The following MPPED1 variants were observed in gnomAD, a reference collection of about 807,000 sequenced individuals.
MPPED1 encodes the protein metallophosphoesterase domain-containing protein 1.
MPPED1 carries 16 observed loss-of-function variants against 36.2 expected under a neutral mutation model. The ratio of observed to expected loss-of-function variants is 0.44; its 90% CI spans 0.30 to 0.67. The LOEUF (loss-of-function observed/expected upper bound fraction) is 0.67. Among genes scored for constraint, MPPED1 ranks in the 30% least tolerant of loss-of-function variants. MPPED1 has a pLI of 0.10. For synonymous variants in MPPED1, 199 were observed against 191.3 expected, an observed-to-expected ratio of 1.04 and a Z score of -0.33; for missense variants, 307 against 453.4, an observed-to-expected ratio of 0.68 and a Z score of 2.93.
At chr22:43,488,143 C>T (rs1931970179) in intron 4 of MPPED1, among the ~76,000 whole-genome samples, 1 of 152,060 alleles carries the variant, frequency 6.6e-6, no homozygotes, top group Non-Finnish European at 1.5e-5. Context: ...GTGGGCACTG[C>T]ATCTGTGTGG....
chr22:43,494,001 G>T (rs562169883), intron 4 of MPPED1, among the ~76,000 whole-genome samples: 9 of 152,078 alleles, frequency 5.9e-5, no homozygotes, highest in African/African-American at 1.9e-4. Context: ...CTTTTGGGGG[G>T]CTCTGAGGGA....
intron 2 of MPPED1, among the ~76,000 whole-genome samples, chr22:43,426,310 C>T (rs909740862): frequency 2.0e-5 from 3 of 152,042 alleles, no homozygotes; most frequent in Admixed American, 1.3e-4. Context: ...TACCTTCACC[C>T]GGCCACTCTG....
chr22:43,432,877 G>GAAAGGGA (rs1569067568), intron 2 of MPPED1, among the ~76,000 whole-genome samples: 1 of 10,920 alleles, frequency 9.2e-5, no homozygotes, highest in Non-Finnish European at 3.5e-4. Flanking sequence ...GAGAGAGAGA[G>GAAAGGGA]GGAAAGAGAA....
At chr22:43,415,709 G>A (rs1179582425) in intron 1 of MPPED1, among the ~76,000 whole-genome samples, 1 of 152,136 alleles carries the variant, frequency 6.6e-6, no homozygotes, top group Non-Finnish European at 1.5e-5. Context: ...CTCCCTTCTG[G>A]TTGACTCTGC....
In MPPED1 at chr22:43,506,271, C is replaced by T. The variant is rs117657981; in HGVS notation, c.*655C>T. The T allele has an allele frequency of 7.8e-4, 119 of 152,724 alleles. No homozygotes were observed. Among genetic ancestry groups the T allele is most frequent in the Non-Finnish European group, 1.4e-3 (94 of 68,068 alleles). The allele number at this position is 152,724 out of a possible 1,614,324, so 9.5% of individuals were successfully genotyped here. A position where few individuals can be genotyped will look rare whatever the true frequency, so the allele number is the denominator to read the frequency against. ...GACCTGAGTGTCCTAGGCATTCACT[C>T]GGAGCCTGGATGATGGGGGCTGGTT... On this transcript the variant is annotated 3_prime_UTR_variant, in exon 7 of 7. Transcript: ENST00000443721.
At chr22:43,500,309 G>A (rs1932668633) in intron 5 of MPPED1, among the ~76,000 whole-genome samples, 3 of 140,002 alleles carry the variant, frequency 2.1e-5, no homozygotes, top group Non-Finnish European at 3.1e-5. Context: ...TGGTGATGGT[G>A]ATGGAGGTGG....
At position 43,447,798 on chromosome 22, in the gene MPPED1, CTT is replaced by C. The variant is rs1491360109; in HGVS notation, c.406+12584_406+12585del. On this transcript the variant is annotated intron_variant, in intron 3 of 6. Coordinates refer to ENST00000443721, the MANE Select transcript of MPPED1 (RefSeq NM_001044370.2). Reference sequence around the variant, plus strand: ...CTCCCGAGGACTCTTGGGGAGCACACTTATATATATATATATTTATATTTTTA... The same window carrying C: ...CTCCCGAGGACTCTTGGGGAGCACACATATATATATATATTTATATTTTTA... Among the ~76,000 whole-genome samples, 8 of 138,054 alleles carry C rather than the reference CTT, an allele frequency of 5.8e-5. No homozygotes were observed. The South Asian group carries it at 8.9e-4, about 15-fold the overall frequency. 90.6% of individuals were successfully genotyped at this position (138,054 alleles called of 152,430 possible).
chr22:43,463,448 C>CA (rs1348848624), intron 3 of MPPED1, among the ~76,000 whole-genome samples: 2 of 151,792 alleles, frequency 1.3e-5, no homozygotes, highest in Non-Finnish European at 2.9e-5. Context: ...CCTCCCACCT[C>CA]AGCCTCCCAA....
chr22:43,439,311 C>T lies in MPPED1; in HGVS notation c.406+4096C>T, dbSNP rs142590129. ...TGTATTCATGAAATAGAAGTGGCAG[C>T]TTGATTTGTAAATGTCGAGTAAGCA... On this transcript the variant is annotated intron_variant, in intron 3 of 6. Coordinates refer to ENST00000443721, the MANE Select transcript of MPPED1 (RefSeq NM_001044370.2). 8.5e-4 allele frequency among the ~76,000 whole-genome samples: 130 copies of T among 152,356 alleles called. 1 individual carries two copies. In the Middle Eastern group the frequency reaches 0.02, roughly 24 times the overall value.
chr22:43,483,533 G>C (rs1014730664), intron 4 of MPPED1, among the ~76,000 whole-genome samples: 1 of 152,276 alleles, frequency 6.6e-6, no homozygotes, highest in Non-Finnish European at 1.5e-5. Context: ...GTGAGACACA[G>C]GCGGGCCCGG....
At chr22:43,450,616 A>G (rs8135418) in intron 3 of MPPED1, among the ~76,000 whole-genome samples, 40,443 of 152,152 alleles carry the variant, frequency 0.27, 6,802 homozygotes, top group East Asian at 0.64. Flanking sequence ...AGGGCCTGGC[A>G]TGGGGTAAAT....
At chr22:43,444,946 GT>G (rs1930285617) in intron 3 of MPPED1, among the ~76,000 whole-genome samples, 1 of 152,086 alleles carries the variant, frequency 6.6e-6, no homozygotes, top group Admixed American at 6.5e-5. Flanking sequence ...AAAAGCCAGG[GT>G]TGAAAAAAAA....
At chr22:43,435,668 C>G (rs1361675789) in intron 3 of MPPED1, among the ~76,000 whole-genome samples, 1 of 152,074 alleles carries the variant, frequency 6.6e-6, no homozygotes, top group Non-Finnish European at 1.5e-5. Flanking sequence ...ACCAGCCTGG[C>G]CAACATGGTG....
chr22:43,497,945 A>ATATATATATATATATATATG (rs1569090532), intron 4 of MPPED1, among the ~76,000 whole-genome samples: 1 of 97,052 alleles, frequency 1.0e-5, no homozygotes, highest in African/African-American at 6.9e-5. Context: ...GTATATATAT[A>ATATATATATATATATATATG]TATGTATTTA....
At chr22:43,500,223 G>GTGA (rs1185138499) in intron 5 of MPPED1, among the ~76,000 whole-genome samples, 1 of 97,532 alleles carries the variant, frequency 1.0e-5, no homozygotes, top group Non-Finnish European at 2.1e-5. Flanking sequence ...GGGGGTGATG[G>GTGA]TGGAGGTGGT....
intron 3 of MPPED1, among the ~76,000 whole-genome samples, chr22:43,445,872 G>T (rs1233083956): frequency 9.0e-6 from 1 of 110,662 alleles, no homozygotes; most frequent in African/African-American, 3.3e-5. Flanking sequence ...GCCTAGCCTG[G>T]TGTTTACATT....
intron 3 of MPPED1, among the ~76,000 whole-genome samples, chr22:43,441,031 C>A (rs1930131629): frequency 6.6e-6 from 1 of 152,082 alleles, no homozygotes; most frequent in Admixed American, 6.5e-5. Context: ...CCACTCAGAC[C>A]CCCCAGCTCT....
At chr22:43,456,913 T>A (rs568686656) in intron 3 of MPPED1, among the ~76,000 whole-genome samples, 1 of 152,384 alleles carries the variant, frequency 6.6e-6, no homozygotes, top group East Asian at 1.9e-4. Context: ...TTACATTAAT[T>A]GTATGTTGAA....
In MPPED1 at chr22:43,474,429, C is replaced by A. The variant is rs766986094; in HGVS notation, c.407-307C>A. 6.6e-6 allele frequency among the ~76,000 whole-genome samples: 1 copy of A among 152,198 alleles called. No homozygotes were observed. Among genetic ancestry groups the A allele is most frequent in the African/African-American group, 2.4e-5 (1 of 41,452 alleles). ...TGCCTCCTTTGATCTGATGAAGACA[C>A]CTGTTGGGGGCCTGGCAGCAGGTAC... On this transcript the variant is annotated intron_variant, in intron 3 of 6. Transcript: ENST00000443721. The surrounding 1 kb of genome is among the most constrained non-coding windows in gnomAD (Gnocchi z 5.2).
Sources: gnomAD v4.1 joint callset for allele counts (sites outside exome capture counted in the v4.1 genomes callset) on GRCh38, gnomAD v4.1.1 for gene constraint, Gnocchi (gnomAD v3.1) non-coding constraint, MANE v1.5 for transcripts, NCBI Gene and HGNC (gene_info 2026-07-23, HGNC 2026-07-21) for gene names.